HOXA6: variants seen among roughly 807,000 people sequenced by gnomAD.
The protein encoded by HOXA6 is homeobox A6, also known as homeobox protein Hox-A6.
Under a neutral mutation model 23.2 loss-of-function variants are expected in HOXA6, and 19 were observed. The ratio of observed to expected loss-of-function variants is 0.82; its 90% CI spans 0.57 to 1.20. The LOEUF (loss-of-function observed/expected upper bound fraction) is 1.20. Among genes scored for constraint, HOXA6 ranks in the 50% most tolerant of loss-of-function variants. The pLI, the probability that HOXA6 is intolerant of heterozygous loss-of-function variation, is 0.00. For synonymous variants in HOXA6, 140 were observed against 132.6 expected (o/e 1.06, Z -0.38); for missense variants, 346 against 313.6 (o/e 1.10, Z -0.78).
Position 27,145,470 on chromosome 7 carries a change from T to G in HOXA6, c.*188A>C. The stretch of plus-strand genomic sequence containing the variant: ...AGGTTTTGTTTTGTTTTGTTTTGTT[T>G]TGTTTTGTTTTGTTTTGTTTTGTTT... On this transcript the variant is annotated 3_prime_UTR_variant, in exon 2 of 2. Transcript: ENST00000222728. 3 of 725,832 alleles carry G rather than the reference T, an allele frequency of 4.1e-6. No homozygotes were observed. The highest frequency in any genetic ancestry group is 4.5e-6 in the Non-Finnish European group (2 of 441,956). The allele number at this position is 725,832 out of a possible 1,614,324, so 45.0% of individuals were successfully genotyped here.
intron 1 of HOXA6, among the ~76,000 whole-genome samples, chr7:27,146,250 TTTG>T (rs1562731500): frequency 2.9e-3 from 258 of 88,294 alleles, no homozygotes; most frequent in African/African-American, 0.01. Flanking sequence ...TGTGTGTGTG[TTTG>T]TGTGTGTGTG....
chr7:27,147,705 G>A lies in HOXA6; in HGVS notation c.45C>T (p.Pro15=), dbSNP rs1240583792. ...FVNPTFPGSL[P]SGQDSFLGQL... ...GGCCCAAGAAGGAGTCCTGGCCGCT[G>A]GGAAGGCTCCCGGGGAAAGTGGGAT... Residue 15 remains proline (P), a synonymous_variant, in exon 1 of 2, where the codon CCC becomes CCT. Transcript: ENST00000222728. 7.4e-6 allele frequency: 12 copies of A among 1,612,730 alleles called. No individual in the cohort carries two copies. Among genetic ancestry groups the A allele is most frequent in the Non-Finnish European group, 1.0e-5 (12 of 1,179,676 alleles).
Position 27,147,511 on chromosome 7 carries a change from T to C in HOXA6, c.239A>G (p.Tyr80Cys). 1 of 1,614,122 alleles carries C rather than the reference T, an allele frequency of 6.2e-7. No individual in the cohort carries two copies. Among genetic ancestry groups the C allele is most frequent in the Non-Finnish European group, 8.5e-7 (1 of 1,180,026 alleles). The stretch of plus-strand genomic sequence containing the variant: ...GGCGCCACTGAGGTCCTTATCAGAA[T>C]AGAAACACGAGGCCCCGTACTCGTA... Reference protein sequence around the residue: ...ASYEYGASCFYSDKDLSGASP... With the variant: ...ASYEYGASCFCSDKDLSGASP... The change falls in exon 1 of 2, where the codon TAT becomes TGT. Residue 80 changes from tyrosine (Y) to cysteine (C), a missense_variant. Physicochemically the swap from Tyr to Cys is radical, Grantham distance 194. Coordinates refer to ENST00000222728, the MANE Select transcript of HOXA6 (RefSeq NM_024014.4).
Position 27,147,675 on chromosome 7 carries a change from C to T in HOXA6, c.75G>A (p.Leu25=), listed in dbSNP as rs1782824960. 2.5e-6 allele frequency: 4 copies of T among 1,613,908 alleles called. No homozygotes were observed. Among genetic ancestry groups the T allele is most frequent in the Admixed American group, 1.7e-5 (1 of 60,008 alleles). ...CGTCATAGCCAGCCTGGTAGAGGGG[C>T]AGCTGGCCCAAGAAGGAGTCCTGGC... The part of the protein sequence containing the change: ...PSGQDSFLGQ[L]PLYQAGYDAL... The change falls in exon 1 of 2, where the codon CTG becomes CTA. Residue 25 remains leucine (L), a synonymous_variant. Coordinates refer to ENST00000222728, the MANE Select transcript of HOXA6 (RefSeq NM_024014.4).
chr7:27,147,525 C>A lies in HOXA6; in HGVS notation c.225G>T (p.Gly75=), dbSNP rs1268903732. ...CCTTATCAGAATAGAAACACGAGGC[C>A]CCGTACTCGTAGGACGCCCGGTTGC... The part of the protein sequence containing the change: ...LACNRASYEY[G]ASCFYSDKDL... The change falls in exon 1 of 2, where the codon GGG becomes GGT. Residue 75 remains glycine (G), a synonymous_variant. Coordinates refer to ENST00000222728, the MANE Select transcript of HOXA6 (RefSeq NM_024014.4). The A allele has an allele frequency of 6.2e-7, 1 of 1,614,178 alleles. No individual in the cohort carries two copies. The highest frequency in any genetic ancestry group is 1.7e-5 in the Admixed American group (1 of 60,026).
At position 27,147,469 on chromosome 7, in the gene HOXA6, C is replaced by T; in HGVS notation, c.281G>A (p.Gly94Asp). Reference protein sequence around the residue: ...DLSGASPSGSGKQRGPGDYLH... With the variant: ...DLSGASPSGSDKQRGPGDYLH... Reference sequence around the variant, plus strand: ...GTAGTCCCCGGGGCCCCTCTGCTTGCCACTGCCCGAGGGCGAGGCGCCACT... The same window carrying T: ...GTAGTCCCCGGGGCCCCTCTGCTTGTCACTGCCCGAGGGCGAGGCGCCACT... Residue 94 changes from glycine to aspartate, a missense_variant, in exon 1 of 2, where the codon GGC becomes GAC. Physicochemically the swap from Gly to Asp is moderately conservative, Grantham distance 94 (BLOSUM62 -1). Coordinates refer to ENST00000222728, the MANE Select transcript of HOXA6 (RefSeq NM_024014.4). 6.2e-7 allele frequency: 1 copy of T among 1,614,122 alleles called. No individual in the cohort carries two copies. The highest frequency in any genetic ancestry group is 1.7e-5 in the Admixed American group (1 of 60,024).
At chr7:27,146,025 C>T in intron 1 of HOXA6, 108 bp from the exon 2 acceptor site, 1 of 1,268,918 alleles carries the variant, frequency 7.9e-7, no homozygotes, top group Non-Finnish European at 1.1e-6. Context: ...ACCCCGCCTC[C>T]ACTCCAGCCT....
At position 27,145,605 on chromosome 7, in the gene HOXA6, A is replaced by G. The variant is rs1782729445; in HGVS notation, c.*53T>C. On this transcript the variant is annotated 3_prime_UTR_variant, in exon 2 of 2. Transcript: ENST00000222728. ...AAAAGTTGGGGAACAGGCGAGGGCA[A>G]GGGGGCAAAGCCGAAGGAGGTTGCA... 1 of 1,574,634 alleles carries G rather than the reference A, an allele frequency of 6.4e-7. No individual in the cohort carries two copies. Among genetic ancestry groups the G allele is most frequent in the East Asian group, 2.2e-5 (1 of 44,582 alleles).
Position 27,145,933 on chromosome 7 carries a change from G to T in HOXA6, c.443-16C>A. ...TACACAGCACCTACGAGCAGAAACGGCCGGGCGCCGGTAAGCCAGGGCCTG... is the reference window on the plus strand; with the variant it reads ...TACACAGCACCTACGAGCAGAAACGTCCGGGCGCCGGTAAGCCAGGGCCTG... On this transcript the variant is annotated splice_polypyrimidine_tract_variant and intron_variant, in intron 1 of 1. Transcript: ENST00000222728. 6.2e-7 allele frequency: 1 copy of T among 1,606,932 alleles called. No homozygotes were observed. Among genetic ancestry groups the T allele is most frequent in the South Asian group, 1.1e-5 (1 of 90,626 alleles).
At chr7:27,146,251 T>TTG (rs10685970) in intron 1 of HOXA6, among the ~76,000 whole-genome samples, 82,222 of 148,942 alleles carry the variant, frequency 0.55, 22,631 homozygotes, top group East Asian at 0.63. Flanking sequence ...GTGTGTGTGT[T>TTG]TGTGTGTGTG....
Position 27,147,622 on chromosome 7 carries a change from C to A in HOXA6, c.128G>T (p.Gly43Val). ...DALRPFPASY[G>V]ASSLPDKTYT... ...CGTCTTGTCCGGGAGACTCGACGCC[C>A]CGTACGAGGCCGGGAAGGGCCTCAG... Residue 43 changes from glycine to valine, a missense_variant, in exon 1 of 2, where the codon GGG becomes GTG. Gly to Val is a moderately radical substitution (Grantham distance 109). Transcript: ENST00000222728. 4.3e-6 allele frequency: 7 copies of A among 1,614,234 alleles called. No homozygotes were observed. The highest frequency in any genetic ancestry group is 5.9e-6 in the Non-Finnish European group (7 of 1,180,052).
In HOXA6 at chr7:27,147,141, C is replaced by T. The variant is rs368664620; in HGVS notation, c.442+167G>A. 66 of 698,744 alleles carry T rather than the reference C, an allele frequency of 9.4e-5. No homozygotes were observed. In the African/African-American group the frequency reaches 1.0e-3, roughly 11 times the overall value. 43.3% of individuals were successfully genotyped at this position (698,744 alleles called of 1,614,324 possible). A position where few individuals can be genotyped will look rare whatever the true frequency, so the allele number is the denominator to read the frequency against. On this transcript the variant is annotated intron_variant, in intron 1 of 1. Coordinates refer to ENST00000222728, the MANE Select transcript of HOXA6 (RefSeq NM_024014.4). ...CCTTCCTCTGCCATGGCCTGATAGC[C>T]CCATTGGGAACTGATTTTTTCTTCT...
Position 27,147,476 on chromosome 7 carries a change from C to T in HOXA6, c.274G>A (p.Gly92Ser), listed in dbSNP as rs770732024. Residue 92 changes from glycine (G) to serine (S), a missense_variant, in exon 1 of 2, where the codon GGC becomes AGC. Transcript: ENST00000222728. ...CCGGGGCCCCTCTGCTTGCCACTGC[C>T]CGAGGGCGAGGCGCCACTGAGGTCC... The part of the protein sequence containing the change: ...DKDLSGASPS[G>S]SGKQRGPGDY... The T allele has an allele frequency of 1.2e-6, 2 of 1,614,126 alleles. No homozygotes were observed. The highest frequency in any genetic ancestry group is 1.7e-6 in the Non-Finnish European group (2 of 1,180,048).
rs755736796 is a variant in HOXA6, at chr7:27,145,917, C to T, written c.443G>A (p.Gly148Asp). ...PWMQRMNSCAGAVYGSHGRRG... is the reference protein window; with the variant it reads ...PWMQRMNSCADAVYGSHGRRG... ...GCGCCCATGGCTCCCATACACAGCA[C>T]CTACGAGCAGAAACGGCCGGGCGCC... The change falls in exon 2 of 2, where the codon GGT becomes GAT. Residue 148 changes from glycine to aspartate, a missense_variant and splice_region_variant. Gly to Asp is a moderately conservative substitution (Grantham distance 94). Transcript: ENST00000222728. The T allele has an allele frequency of 1.2e-6, 2 of 1,612,190 alleles. No individual in the cohort carries two copies. The highest frequency in any genetic ancestry group is 8.5e-7 in the Non-Finnish European group (1 of 1,179,090).
Position 27,147,633 on chromosome 7 carries a change from C to T in HOXA6, c.117G>A (p.Pro39=), listed in dbSNP as rs922795801. Residue 39 remains proline, a synonymous_variant, in exon 1 of 2, where the codon CCG becomes CCA. Transcript: ENST00000222728. ...QAGYDALRPF[P]ASYGASSLPD... ...GGAGACTCGACGCCCCGTACGAGGC[C>T]GGGAAGGGCCTCAGCGCGTCATAGC... 25 of 1,614,054 alleles carry T rather than the reference C, an allele frequency of 1.5e-5. No homozygotes were observed. Among genetic ancestry groups the T allele is most frequent in the African/African-American group, 4.0e-5 (3 of 74,908 alleles).
At chr7:27,147,172 A>T in intron 1 of HOXA6, 136 bp downstream of exon 1, 1 of 916,422 alleles carries the variant, frequency 1.1e-6, no homozygotes, top group Non-Finnish European at 1.6e-6. Context: ...CTTCTCTTTT[A>T]AGAAGCCAAA....
chr7:27,146,946 A>G (rs1419177702), intron 1 of HOXA6, among the ~76,000 whole-genome samples: 1 of 152,150 alleles, frequency 6.6e-6, no homozygotes, highest in East Asian at 1.9e-4. Flanking sequence ...GCAGTGCAAA[A>G]GGCCCTCTGG....
At position 27,147,350 on chromosome 7, in the gene HOXA6, T is replaced by C. The variant is rs759130816; in HGVS notation, c.400A>G (p.Ser134Gly). 31 of 1,614,046 alleles carry C rather than the reference T, an allele frequency of 1.9e-5. No individual in the cohort carries two copies. In the South Asian group the frequency reaches 3.2e-4, roughly 17 times the overall value. Residue 134 changes from serine to glycine, a missense_variant, in exon 1 of 2, where the codon AGC becomes GGC. Physicochemically the swap from Ser to Gly is moderately conservative, Grantham distance 56 (BLOSUM62 0). Transcript: ENST00000222728. Reference sequence around the variant, plus strand: ...CGCTGCATCCAAGGGTAAACCGGGCTCGTGTACTTCCGGTCGGCGCCTTCG... The same window carrying C: ...CGCTGCATCCAAGGGTAAACCGGGCCCGTGTACTTCCGGTCGGCGCCTTCG... Reference protein sequence around the residue: ...HDEGADRKYTSPVYPWMQRMN... With the variant: ...HDEGADRKYTGPVYPWMQRMN...
At position 27,147,311 on chromosome 7, in the gene HOXA6, C is replaced by G; in HGVS notation, c.439G>C (p.Ala147Pro). 2 of 1,613,222 alleles carry G rather than the reference C, an allele frequency of 1.2e-6. No homozygotes were observed. The highest frequency in any genetic ancestry group is 3.3e-5 in the Admixed American group (2 of 60,016). ...YPWMQRMNSCAGAVYGSHGRR... is the reference protein window; with the variant it reads ...YPWMQRMNSCPGAVYGSHGRR... ...ACTGTCTTGGGATATGTCTTACCCG[C>G]GCAGGAGTTCATCCGCTGCATCCAA... is the stretch of plus-strand genomic sequence containing the variant. Residue 147 changes from alanine (A) to proline (P), a missense_variant, in exon 1 of 2, where the codon GCG becomes CCG. Ala to Pro is a conservative substitution (Grantham distance 27). Transcript: ENST00000222728.
Sources: gnomAD v4.1 joint callset for allele counts (sites outside exome capture counted in the v4.1 genomes callset) on GRCh38, gnomAD v4.1.1 for gene constraint, MANE v1.5 for transcripts, NCBI Gene and HGNC (gene_info 2026-07-23, HGNC 2026-07-21) for gene names.